Variants in TSPAN18 observed in about 807,000 individuals in gnomAD.
The protein encoded by TSPAN18 is tetraspanin 18, also known as tetraspanin-18.
In TSPAN18, 14 loss-of-function variants were observed where a neutral mutation model predicts 27.3. That is an observed-to-expected ratio of 0.51 (90% CI 0.34 to 0.80). TSPAN18 has a LOEUF of 0.80. Ranked by LOEUF, TSPAN18 falls within the 30% of genes least tolerant of loss-of-function variation. The pLI, the probability that TSPAN18 is intolerant of heterozygous loss-of-function variation, is 0.01. For synonymous variants in TSPAN18, 143 were observed against 136.5 expected (o/e 1.05, Z -0.33); for missense variants, 268 against 323.9 (o/e 0.83, Z 1.32).
chr11:44,818,014 A>G (rs1402268206), intron 2 of TSPAN18, among the ~76,000 whole-genome samples: 4 of 152,334 alleles, frequency 2.6e-5, no homozygotes, highest in South Asian at 2.1e-4. Flanking sequence ...GAGATCACCT[A>G]TCCAGGAAAT....
Position 44,919,922 on chromosome 11 carries a change from G to T in TSPAN18, c.538G>T (p.Glu180Ter). Reference protein sequence around the residue: ...EEVPEACCRREPQSRDGVLLS... With the variant: ...EEVPEACCRR The stretch of plus-strand genomic sequence containing the variant: ...GGTGCCGGAGGCCTGCTGCCGGAGG[G>T]AACCCCAAAGTCGGGACGGGGTCCT... Residue 180 changes from glutamate (E) to a stop codon, truncating the protein, a stop_gained, in exon 8 of 10, where the codon GAA (glutamate) becomes TAA (stop). Transcript: ENST00000520358. LOFTEE classifies it high-confidence loss of function. The T allele has an allele frequency of 6.2e-7, 1 of 1,614,208 alleles. No individual in the cohort carries two copies. Among genetic ancestry groups the T allele is most frequent in the Non-Finnish European group, 8.5e-7 (1 of 1,180,032 alleles).
At chr11:44,784,089 C>T (rs1025480459) in intron 2 of TSPAN18, among the ~76,000 whole-genome samples, 12 of 152,094 alleles carry the variant, frequency 7.9e-5, no homozygotes, top group African/African-American at 2.9e-4. Context: ...GGTAAAAATG[C>T]AAGTCATCCC....
At chr11:44,764,863 C>T (rs1198715639) in intron 2 of TSPAN18, among the ~76,000 whole-genome samples, 8 of 152,164 alleles carry the variant, frequency 5.3e-5, no homozygotes, top group East Asian at 1.9e-4. Flanking sequence ...TCAGCCTCCC[C>T]CATACCCACC....
At chr11:44,867,462 G>A (rs560256210) in intron 3 of TSPAN18, among the ~76,000 whole-genome samples, 14 of 122,966 alleles carry the variant, frequency 1.1e-4, no homozygotes, top group East Asian at 8.6e-4. Context: ...GGAGTGGCCC[G>A]ATCTCGGCTC....
At chr11:44,896,013 C>T (rs150465097) in intron 3 of TSPAN18, among the ~76,000 whole-genome samples, 60 of 152,320 alleles carry the variant, frequency 3.9e-4, no homozygotes, top group African/African-American at 1.4e-3. Flanking sequence ...AAACCACTCA[C>T]CTGTGTGCCC....
At chr11:44,810,369 A>G (rs1482439394) in intron 2 of TSPAN18, among the ~76,000 whole-genome samples, 1 of 152,104 alleles carries the variant, frequency 6.6e-6, no homozygotes, top group Admixed American at 6.5e-5. Context: ...AGTTCATATA[A>G]ATGGAGTCAT....
At chr11:44,801,607 G>GCTGCTTA (rs1196692033) in intron 2 of TSPAN18, among the ~76,000 whole-genome samples, 1 of 152,220 alleles carries the variant, frequency 6.6e-6, no homozygotes, top group Non-Finnish European at 1.5e-5. Flanking sequence ...GTGCCTCAGG[G>GCTGCTTA]TGGTGGTTAA....
chr11:44,754,591 C>T (rs1855289133), intron 1 of TSPAN18, among the ~76,000 whole-genome samples: 1 of 152,178 alleles, frequency 6.6e-6, no homozygotes, highest in Non-Finnish European at 1.5e-5. Flanking sequence ...CCCAATGACC[C>T]AAGATGTAAG....
chr11:44,771,318 ATCTTCTAATGTCTCTG>A (rs1855685314), intron 2 of TSPAN18, among the ~76,000 whole-genome samples: 1 of 152,210 alleles, frequency 6.6e-6, no homozygotes, highest in Non-Finnish European at 1.5e-5. Context: ...GTCTGGCTGG[ATCTTCTAATGTCTCTG>A]TCAGATCATT....
chr11:44,870,301 A>C (rs1169350305), intron 3 of TSPAN18, among the ~76,000 whole-genome samples: 3 of 152,038 alleles, frequency 2.0e-5, no homozygotes, highest in Non-Finnish European at 4.4e-5. Context: ...GTATCTATAG[A>C]TTTGCCTTTT....
intron 2 of TSPAN18, among the ~76,000 whole-genome samples, chr11:44,765,425 C>T (rs368788018): frequency 1.3e-5 from 2 of 152,056 alleles, no homozygotes; most frequent in Non-Finnish European, 2.9e-5. Context: ...TCACAGGGTC[C>T]GAGGTGCAGA....
At chr11:44,762,619 G>C (rs1855479526) in intron 1 of TSPAN18, among the ~76,000 whole-genome samples, 1 of 151,732 alleles carries the variant, frequency 6.6e-6, no homozygotes, top group Non-Finnish European at 1.5e-5. Flanking sequence ...ACACATATGT[G>C]TGTGTGTGTG....
At chr11:44,775,045 G>A (rs1176399485) in intron 2 of TSPAN18, among the ~76,000 whole-genome samples, 2 of 152,166 alleles carry the variant, frequency 1.3e-5, no homozygotes, top group African/African-American at 4.8e-5. Flanking sequence ...GGGCATCACA[G>A]GGCTGGAGGG....
intron 2 of TSPAN18, among the ~76,000 whole-genome samples, chr11:44,786,596 T>C (rs1271310229): frequency 6.7e-6 from 1 of 148,706 alleles, no homozygotes; most frequent in African/African-American, 2.5e-5. Context: ...GTCACTTCCC[T>C]GCTACCTGCA....
At chr11:44,744,835 C>G (rs1855032842) in intron 1 of TSPAN18, among the ~76,000 whole-genome samples, 1 of 152,128 alleles carries the variant, frequency 6.6e-6, no homozygotes, top group Non-Finnish European at 1.5e-5. Flanking sequence ...TGTGGTAGTA[C>G]CTGGATGGCA....
chr11:44,743,870 A>G (rs1855008513), intron 1 of TSPAN18, among the ~76,000 whole-genome samples: 1 of 152,216 alleles, frequency 6.6e-6, no homozygotes, highest in African/African-American at 2.4e-5. Flanking sequence ...TTGTAACACC[A>G]TCCGAGTACC....
chr11:44,735,120 G>T (rs1854759137), intron 1 of TSPAN18, among the ~76,000 whole-genome samples: 1 of 152,202 alleles, frequency 6.6e-6, no homozygotes, highest in South Asian at 2.1e-4. Flanking sequence ...TTGTTCCTGG[G>T]GTCATTGAAG....
chr11:44,846,360 C>A (rs984434668), intron 2 of TSPAN18, among the ~76,000 whole-genome samples: 1 of 152,246 alleles, frequency 6.6e-6, no homozygotes, highest in Admixed American at 6.5e-5. Context: ...GTTTAATGAA[C>A]GTGGCTGTAC....
intron 3 of TSPAN18, among the ~76,000 whole-genome samples, chr11:44,872,346 G>A (rs1003058846): frequency 6.6e-5 from 10 of 152,178 alleles, no homozygotes; most frequent in East Asian, 3.8e-4. Flanking sequence ...CACGTTGGGG[G>A]TTAGGGCATC....
Sources: gnomAD v4.1 joint callset for allele counts (sites outside exome capture counted in the v4.1 genomes callset) on GRCh38, gnomAD v4.1.1 for gene constraint, MANE v1.5 for transcripts, NCBI Gene and HGNC (gene_info 2026-07-23, HGNC 2026-07-21) for gene names.